The following ASIC1 variants were observed in gnomAD, a reference collection of about 807,000 sequenced individuals.
ASIC1 encodes acid-sensing ion channel 1.
Under a neutral mutation model 63.4 loss-of-function variants are expected in ASIC1, and 21 were observed. That is an observed-to-expected ratio of 0.33 (90% CI 0.23 to 0.48). The LOEUF (loss-of-function observed/expected upper bound fraction) is 0.48, where lower values mean the gene tolerates loss of function less well. Among genes scored for constraint, ASIC1 ranks in the 20% least tolerant of loss-of-function variants. ASIC1 has a pLI of 0.99. For synonymous variants in ASIC1, 258 were observed against 278.2 expected, an observed-to-expected ratio of 0.93 and a Z score of 0.72; for missense variants, 478 against 695.5, an observed-to-expected ratio of 0.69 and a Z score of 3.52.
intron 3 of ASIC1, 106 bp downstream of exon 3, chr12:50,060,060 A>G (rs1434122510): frequency 7.5e-7 from 1 of 1,337,530 alleles, no homozygotes; most frequent in Non-Finnish European, 1.0e-6. Flanking sequence ...TGGGAGAGGA[A>G]GTTGTATGTC....
rs1950627709 is a variant in ASIC1 at position 50,074,039 on chromosome 12, C to G, written c.559-3174C>G. 6.5e-7 allele frequency: 1 copy of G among 1,534,346 alleles called. No homozygotes were observed. The highest frequency in any genetic ancestry group is 8.7e-7 in the Non-Finnish European group (1 of 1,145,650). On this transcript the variant is annotated intron_variant, in intron 3 of 11. Transcript: ENST00000447966. The surrounding 1 kb of genome is among the most constrained non-coding windows in gnomAD (Gnocchi z 4.2). ...GTGCGGCTGTCCCAGCTCAGCTACC[C>G]TGACTTGCTTTATTTGGCCCCCATG...
At chr12:50,061,838 G>C (rs1272340558) in intron 3 of ASIC1, among the ~76,000 whole-genome samples, 1 of 152,212 alleles carries the variant, frequency 6.6e-6, no homozygotes, top group Non-Finnish European at 1.5e-5. Context: ...GGTCCATGCT[G>C]TCTGAGGGGA....
rs769182612 is a variant in ASIC1 at position 50,059,745 on chromosome 12, C to A, written c.363-14C>A. 2 of 1,609,546 alleles carry A rather than the reference C, an allele frequency of 1.2e-6. No homozygotes were observed. The highest frequency in any genetic ancestry group is 2.2e-5 in the South Asian group (2 of 90,306). The stretch of plus-strand genomic sequence containing the variant: ...ACTGTACTGACCCGTGTGTCACTCA[C>A]CCCCGGACCCCAGGTATGAGATACC... On this transcript the variant is annotated splice_polypyrimidine_tract_variant and intron_variant, in intron 2 of 11. Coordinates refer to ENST00000447966, the MANE Select transcript of ASIC1 (RefSeq NM_001095.4). The surrounding 1 kb of genome is among the most constrained non-coding windows in gnomAD (Gnocchi z 4.6).
chr12:50,062,650 A>G (rs1950511083), intron 3 of ASIC1, among the ~76,000 whole-genome samples: 1 of 152,116 alleles, frequency 6.6e-6, no homozygotes, highest in African/African-American at 2.4e-5. Context: ...TCTTTTGTAG[A>G]TTTCTAAGGG....
chr12:50,080,923 A>C, intron 9 of ASIC1, 179 bp from the exon 10 acceptor site: 1 of 829,022 alleles, frequency 1.2e-6, no homozygotes, highest in South Asian at 1.6e-5. Context: ...AAAGGTAGAA[A>C]AACGCAGAAA....
rs1215449559 is a variant in ASIC1 at position 50,083,595 on chromosome 12, A to G, written c.*1946A>G. The G allele has an allele frequency of 6.5e-6, 1 of 152,720 alleles. No homozygotes were observed. Among genetic ancestry groups the G allele is most frequent in the Admixed American group, 6.5e-5 (1 of 15,286 alleles). 9.5% of individuals were successfully genotyped at this position (152,720 alleles called of 1,614,324 possible). Reference sequence around the variant, plus strand: ...GGGTGACGCATGCCTCTGGTCTAATAAACTGGGTTTCAACCATCTCCTCTT... The same window carrying G: ...GGGTGACGCATGCCTCTGGTCTAATGAACTGGGTTTCAACCATCTCCTCTT... On this transcript the variant is annotated 3_prime_UTR_variant, in exon 12 of 12. Transcript: ENST00000447966.
At chr12:50,065,462 G>A (rs985253804) in intron 3 of ASIC1, among the ~76,000 whole-genome samples, 11 of 152,144 alleles carry the variant, frequency 7.2e-5, no homozygotes, top group African/African-American at 2.7e-4. Flanking sequence ...CTTTATTGAG[G>A]GGCAGTCCTT....
Position 50,078,435 on chromosome 12 carries a change from C to T in ASIC1, c.852C>T (p.Pro284=). The change falls in exon 6 of 12, where the codon CCC becomes CCT. Residue 284 remains proline (P), a synonymous_variant. Coordinates refer to ENST00000447966, the MANE Select transcript of ASIC1 (RefSeq NM_001095.4). This position sits in a 1 kb window ranked among gnomAD's most constrained non-coding sequence, Gnocchi z 6.0. ...ACQEQRLIYL[P]PPWGTCKAVT... is the part of the protein sequence containing the mutation. ...TCTCCCAGCAGCTCATCTACCTGCC[C>T]CCACCCTGGGGCACCTGCAAAGCTG... is the stretch of plus-strand genomic sequence containing the variant. The T allele has an allele frequency of 6.2e-7, 1 of 1,614,032 alleles. No individual in the cohort carries two copies.
At chr12:50,077,929 G>A (rs1950673930) in intron 4 of ASIC1, 71 bp from the exon 5 acceptor site, 4 of 1,538,078 alleles carry the variant, frequency 2.6e-6, no homozygotes, top group African/African-American at 1.4e-5. Context: ...GGAGAGGTAG[G>A]ATGCCCCCAG....
At position 50,078,315 on chromosome 12, in the gene ASIC1, G is replaced by A. The variant is rs555411411; in HGVS notation, c.838-106G>A. 49 of 1,531,736 alleles carry A rather than the reference G, an allele frequency of 3.2e-5. 1 individual carries two copies. The South Asian group carries it at 5.6e-4, about 18-fold the overall frequency. The allele number at this position is 1,531,736 out of a possible 1,614,324, so 94.9% of individuals were successfully genotyped here. A position where few individuals can be genotyped will look rare whatever the true frequency, so the allele number is the denominator to read the frequency against. ...CTGAGACCTTTGGAGGCTGCAGAGG[G>A]AGAGGGGAGCAGAACTCCAGAGATC... On this transcript the variant is annotated intron_variant, in intron 5 of 11. Coordinates refer to ENST00000447966, the MANE Select transcript of ASIC1 (RefSeq NM_001095.4). The surrounding 1 kb of genome is among the most constrained non-coding windows in gnomAD (Gnocchi z 6.0).
chr12:50,071,777 C>G (rs1219847772), intron 3 of ASIC1, among the ~76,000 whole-genome samples: 1 of 152,212 alleles, frequency 6.6e-6, no homozygotes, highest in Non-Finnish European at 1.5e-5. Flanking sequence ...TCCCAAGCAG[C>G]TGGAACTACA....
At position 50,059,610 on chromosome 12, in the gene ASIC1, A is replaced by T. The variant is rs749913366; in HGVS notation, c.363-149A>T. The T allele has an allele frequency of 2.5e-6, 2 of 797,436 alleles. No homozygotes were observed. The highest frequency in any genetic ancestry group is 3.9e-6 in the Non-Finnish European group (2 of 511,934). 49.4% of individuals were successfully genotyped at this position (797,436 alleles called of 1,614,324 possible). A position where few individuals can be genotyped will look rare whatever the true frequency, so the allele number is the denominator to read the frequency against. ...CAGTTCCTCCTGTCATTTCAGACCC[A>T]TGTGGTAGAGCCTCTGCATGCCCAG... On this transcript the variant is annotated intron_variant, in intron 2 of 11. Coordinates refer to ENST00000447966, the MANE Select transcript of ASIC1 (RefSeq NM_001095.4). This position sits in a 1 kb window ranked among gnomAD's most constrained non-coding sequence, Gnocchi z 4.6.
Position 50,074,123 on chromosome 12 carries a change from C to T in ASIC1, c.559-3090C>T. On this transcript the variant is annotated intron_variant, in intron 3 of 11. Coordinates refer to ENST00000447966, the MANE Select transcript of ASIC1 (RefSeq NM_001095.4). The surrounding 1 kb of genome is among the most constrained non-coding windows in gnomAD (Gnocchi z 4.2). ...CCCCTCGCTCCACCGGGCCCTGAGG[C>T]CTTCTCTGGGGAGCCCTTTAACCTG... The T allele has an allele frequency of 6.5e-7, 1 of 1,535,760 alleles. No individual in the cohort carries two copies. Among genetic ancestry groups the T allele is most frequent in the Non-Finnish European group, 8.7e-7 (1 of 1,146,656 alleles).
At chr12:50,080,154 T>A in intron 8 of ASIC1, 99 bp downstream of exon 8, 1 of 1,473,322 alleles carries the variant, frequency 6.8e-7, no homozygotes, top group Non-Finnish European at 9.1e-7. Flanking sequence ...CAGGGGGAAC[T>A]TGAGATAACA....
chr12:50,073,946 C>G, intron 3 of ASIC1: 2 of 1,535,898 alleles, frequency 1.3e-6, no homozygotes, highest in South Asian at 2.4e-5. Flanking sequence ...CCACACGTGA[C>G]CCTTCTAAAC....
At chr12:50,075,158 CA>C (rs1482441386) in intron 3 of ASIC1, among the ~76,000 whole-genome samples, 4 of 152,118 alleles carry the variant, frequency 2.6e-5, no homozygotes, top group Admixed American at 2.6e-4. Context: ...TTCCCTGCCC[CA>C]CACACCCATC....
At position 50,079,931 on chromosome 12, in the gene ASIC1, T is replaced by C. The variant is rs959943518; in HGVS notation, c.1081T>C (p.Cys361Arg). ...DFLVEKDQEY[C>R]VCEMPCNLTR... ...CCTGGTGGAGAAGGACCAGGAGTAC[T>C]GCGTGTGTGAAATGCCTTGCAACCT... is the stretch of plus-strand genomic sequence containing the variant. Residue 361 changes from cysteine to arginine, a missense_variant, in exon 8 of 12, where the codon TGC becomes CGC. By Grantham distance (180) the Cys-to-Arg change is radical. Around this residue, in one of 3 missense-constraint regions of ASIC1, gnomAD observed 84 missense variants for 183.5 expected, o/e 0.46. Coordinates refer to ENST00000447966, the MANE Select transcript of ASIC1 (RefSeq NM_001095.4). 5 of 1,612,956 alleles carry C rather than the reference T, an allele frequency of 3.1e-6. No individual in the cohort carries two copies. Among genetic ancestry groups the C allele is most frequent in the African/African-American group, 1.3e-5 (1 of 74,868 alleles).
Position 50,081,188 on chromosome 12 carries a change from G to T in ASIC1, c.1377+7G>T. 6.2e-7 allele frequency: 1 copy of T among 1,610,370 alleles called. No homozygotes were observed. The highest frequency in any genetic ancestry group is 1.7e-5 in the Admixed American group (1 of 59,422). On this transcript the variant is annotated splice_region_variant and intron_variant, in intron 10 of 11. Transcript: ENST00000447966. ...CTTTGACTACGCCTACGAGGTAAGCGGGGGCGAGGCCCGGCACGGGGCCAC... is the reference window on the plus strand; with the variant it reads ...CTTTGACTACGCCTACGAGGTAAGCTGGGGCGAGGCCCGGCACGGGGCCAC...
At position 50,081,642 on chromosome 12, in the gene ASIC1, C is replaced by T. The variant is rs1950721596; in HGVS notation, c.1580C>T (p.Thr527Ile). 1 of 1,613,958 alleles carries T rather than the reference C, an allele frequency of 6.2e-7. No homozygotes were observed. Among genetic ancestry groups the T allele is most frequent in the Non-Finnish European group, 8.5e-7 (1 of 1,179,966 alleles). The part of the protein sequence containing the change: ...HPARGTFEDF[T>I]C ...GCCCGAGGCACGTTCGAGGACTTTACCTGCTGAGCCCCGCAGGCCGCTGAA... is the reference window on the plus strand; with the variant it reads ...GCCCGAGGCACGTTCGAGGACTTTATCTGCTGAGCCCCGCAGGCCGCTGAA... Residue 527 changes from threonine (T) to isoleucine (I), a missense_variant, in exon 12 of 12, where the codon ACC becomes ATC. Thr to Ile is a moderately conservative substitution (Grantham distance 89). This residue lies in a region of ASIC1 where 104 missense variants were observed against 97.0 expected (regional missense o/e 1.07). Coordinates refer to ENST00000447966, the MANE Select transcript of ASIC1 (RefSeq NM_001095.4).
Sources: gnomAD v4.1 joint callset for allele counts (sites outside exome capture counted in the v4.1 genomes callset) on GRCh38, gnomAD v4.1.1 for gene constraint, gnomAD v4.1.1 regional missense constraint, Gnocchi (gnomAD v3.1) non-coding constraint, MANE v1.5 for transcripts, NCBI Gene and HGNC (gene_info 2026-07-23, HGNC 2026-07-21) for gene names.